MED27: variants seen among roughly 807,000 people sequenced by gnomAD.
The protein encoded by MED27 is mediator of RNA polymerase II transcription subunit 27.
MED27 carries 30 observed loss-of-function variants against 38.2 expected under a neutral mutation model. The ratio of observed to expected loss-of-function variants is 0.79; its 90% CI spans 0.59 to 1.07. MED27 has a LOEUF of 1.07. Among genes scored for constraint, MED27 ranks in the 50% least tolerant of loss-of-function variants. The pLI is 0.00. For missense variants in MED27, 289 were observed against 397.5 expected (o/e 0.73, Z 2.32); for synonymous variants, 122 against 153.5 (o/e 0.79, Z 1.52).
chr9:131,873,190 G>T (rs1441673853), intron 6 of MED27, among the ~76,000 whole-genome samples: 1 of 152,216 alleles, frequency 6.6e-6, no homozygotes, highest in Non-Finnish European at 1.5e-5. Flanking sequence ...TGTGGGTCCT[G>T]TGGGCAAAGA....
At chr9:131,962,928 G>A (rs1364485635) in intron 3 of MED27, among the ~76,000 whole-genome samples, 4 of 152,100 alleles carry the variant, frequency 2.6e-5, no homozygotes, top group Non-Finnish European at 1.5e-5. Context: ...TTAAGTAACT[G>A]GCTAATGATT....
intron 3 of MED27, among the ~76,000 whole-genome samples, chr9:131,980,379 G>A (rs985072518): frequency 3.9e-5 from 6 of 152,140 alleles, no homozygotes; most frequent in African/African-American, 1.4e-4. Context: ...CTAAAACAAA[G>A]ACTATTGTGC....
chr9:131,926,895 T>C (rs1009233832), intron 4 of MED27, among the ~76,000 whole-genome samples: 1 of 152,246 alleles, frequency 6.6e-6, no homozygotes, highest in South Asian at 2.1e-4. Flanking sequence ...TACCAATATA[T>C]ATTTTCAGTG....
At chr9:132,070,783 C>T (rs2131164869) in intron 2 of MED27, among the ~76,000 whole-genome samples, 1 of 152,166 alleles carries the variant, frequency 6.6e-6, no homozygotes. Flanking sequence ...CCTGCCTTTG[C>T]CCCTCGACTC....
At chr9:131,904,664 G>A (rs1193265763) in intron 4 of MED27, among the ~76,000 whole-genome samples, 1 of 152,098 alleles carries the variant, frequency 6.6e-6, no homozygotes, top group African/African-American at 2.4e-5. Context: ...TGGCCAACAA[G>A]GTTTTTTTAT....
chr9:131,919,649 A>G (rs2131549447), intron 4 of MED27, among the ~76,000 whole-genome samples: 1 of 152,230 alleles, frequency 6.6e-6, no homozygotes, highest in Middle Eastern at 3.4e-3. Flanking sequence ...GTGCGGATAA[A>G]GACTGCACAC....
At position 132,003,915 on chromosome 9, in the gene MED27, G is replaced by C. The variant is rs1415528298; in HGVS notation, c.479+10422C>G. Reference sequence around the variant, plus strand: ...TTCTGCACCTTTAGATTCCCGGTGTGGTCAAACATACATCTGGCCTGTGGA... The same window carrying C: ...TTCTGCACCTTTAGATTCCCGGTGTCGTCAAACATACATCTGGCCTGTGGA... On this transcript the variant is annotated intron_variant, in intron 3 of 7. Coordinates refer to ENST00000292035, the MANE Select transcript of MED27 (RefSeq NM_004269.4). The surrounding 1 kb of genome is among the most constrained non-coding windows in gnomAD (Gnocchi z 4.2). 6.6e-6 allele frequency among the ~76,000 whole-genome samples: 1 copy of C among 152,100 alleles called. No homozygotes were observed. Among genetic ancestry groups the C allele is most frequent in the Non-Finnish European group, 1.5e-5 (1 of 68,018 alleles).
At chr9:131,998,048 A>AG (rs1454452691) in intron 3 of MED27, among the ~76,000 whole-genome samples, 2 of 152,166 alleles carry the variant, frequency 1.3e-5, no homozygotes, top group Non-Finnish European at 2.9e-5. Context: ...GCAGAGTTCC[A>AG]GGGCCACAGA....
intron 2 of MED27, chr9:132,073,568 T>C: frequency 7.2e-7 from 1 of 1,383,220 alleles, no homozygotes; most frequent in Non-Finnish European, 9.3e-7. Context: ...CCCTGTTAGT[T>C]CCATGATGCA....
At chr9:131,911,995 A>C (rs186157161) in intron 4 of MED27, among the ~76,000 whole-genome samples, 54 of 152,308 alleles carry the variant, frequency 3.5e-4, no homozygotes, top group African/African-American at 1.3e-3. Flanking sequence ...TCTGCCTTAG[A>C]ACTTGGCAAA....
At chr9:131,868,535 C>A (rs1402888531) in intron 6 of MED27, 69 of 971,746 alleles carry the variant, frequency 7.1e-5, no homozygotes, top group Non-Finnish European at 8.3e-5. Flanking sequence ...CTCAGCCTGA[C>A]AAAGTGCTGG....
chr9:131,937,887 G>A (rs114912990), intron 4 of MED27, among the ~76,000 whole-genome samples: 4,202 of 151,206 alleles, frequency 0.028, 211 homozygotes, highest in African/African-American at 0.095. Flanking sequence ...GTGCAATGGC[G>A]CGATCTCAGC....
At chr9:131,863,832 T>C (rs1225797741) in intron 6 of MED27, among the ~76,000 whole-genome samples, 2 of 152,108 alleles carry the variant, frequency 1.3e-5, no homozygotes, top group Non-Finnish European at 2.9e-5. Flanking sequence ...TCTGTGCCTA[T>C]TGTCTCCTGA....
chr9:131,961,082 A>T (rs1181448516), intron 3 of MED27, among the ~76,000 whole-genome samples: 1 of 152,230 alleles, frequency 6.6e-6, no homozygotes, highest in African/African-American at 2.4e-5. Context: ...GAAGAGTGTC[A>T]TTAGAGAGGT....
intron 5 of MED27, among the ~76,000 whole-genome samples, chr9:131,891,844 A>G (rs1839233954): frequency 1.3e-5 from 2 of 152,094 alleles, no homozygotes; most frequent in African/African-American, 4.8e-5. Context: ...GCCGGAGAGG[A>G]GCGAGAGGGG....
At chr9:132,028,876 C>T (rs1437515364) in intron 2 of MED27, among the ~76,000 whole-genome samples, 1 of 152,162 alleles carries the variant, frequency 6.6e-6, no homozygotes, top group Non-Finnish European at 1.5e-5. Flanking sequence ...CAAGCACCCC[C>T]AGGCAGCTCC....
chr9:131,924,441 T>C (rs1340652438), intron 4 of MED27, among the ~76,000 whole-genome samples: 1 of 152,220 alleles, frequency 6.6e-6, no homozygotes, highest in East Asian at 1.9e-4. Flanking sequence ...TTTTACCCTA[T>C]ATTTTTATGA....
rs140932430 is a variant in MED27 at position 131,877,809 on chromosome 9, C to T, written c.723+6249G>A. On this transcript the variant is annotated intron_variant, in intron 6 of 7. Transcript: ENST00000292035. ...ACTATTGGGGTTGGTAGTCAATTTA[C>T]GCTAGGTACTCCACGTACCCACCAA... Among the ~76,000 whole-genome samples, 104 of 152,264 alleles carry T rather than the reference C, an allele frequency of 6.8e-4. 1 individual carries two copies. Among genetic ancestry groups the T allele is most frequent in the African/African-American group, 2.4e-3 (98 of 41,540 alleles).
At chr9:132,008,124 C>T (rs1172524487) in intron 3 of MED27, among the ~76,000 whole-genome samples, 2 of 152,274 alleles carry the variant, frequency 1.3e-5, no homozygotes, top group Admixed American at 6.5e-5. Context: ...GAGTGCTAGG[C>T]CATTCAGCCT....
Sources: gnomAD v4.1 joint callset for allele counts (sites outside exome capture counted in the v4.1 genomes callset) on GRCh38, gnomAD v4.1.1 for gene constraint, Gnocchi (gnomAD v3.1) non-coding constraint, MANE v1.5 for transcripts, NCBI Gene and HGNC (gene_info 2026-07-23, HGNC 2026-07-21) for gene names.